Variants in HS6ST3 observed in about 807,000 individuals in gnomAD.
The protein encoded by HS6ST3 is heparan-sulfate 6-O-sulfotransferase 3.
In HS6ST3, 12 loss-of-function variants were observed where a neutral mutation model predicts 36.7. That is an observed-to-expected ratio of 0.33 (90% CI 0.21 to 0.53). HS6ST3 has a LOEUF of 0.53. HS6ST3 is among the 20% of genes least tolerant of loss of function. The pLI is 0.95. For synonymous variants in HS6ST3, 240 were observed against 257.5 expected (o/e 0.93, Z 0.65); for missense variants, 584 against 640.9 (o/e 0.91, Z 0.96).
At chr13:96,528,193 G>C (rs1362714438) in intron 1 of HS6ST3, among the ~76,000 whole-genome samples, 1 of 152,116 alleles carries the variant, frequency 6.6e-6, no homozygotes, top group South Asian at 2.1e-4. Context: ...AAAGCACCAG[G>C]GTGATTGAAT....
chr13:96,340,831 A>T (rs1004523566), intron 1 of HS6ST3, among the ~76,000 whole-genome samples: 3 of 152,240 alleles, frequency 2.0e-5, no homozygotes, highest in Non-Finnish European at 4.4e-5. Flanking sequence ...CCATCCTTAA[A>T]CCAATATTCA....
At chr13:96,787,112 T>C (rs1027941284) in intron 1 of HS6ST3, among the ~76,000 whole-genome samples, 2 of 152,234 alleles carry the variant, frequency 1.3e-5, no homozygotes, top group African/African-American at 4.8e-5. Flanking sequence ...ACAGTTTGTT[T>C]ATCTATTCAC....
At chr13:96,521,544 A>G (rs1230287805) in intron 1 of HS6ST3, among the ~76,000 whole-genome samples, 1 of 152,140 alleles carries the variant, frequency 6.6e-6, no homozygotes, top group Non-Finnish European at 1.5e-5. Context: ...TTATTGGTCT[A>G]TTCAGAGATT....
intron 1 of HS6ST3, among the ~76,000 whole-genome samples, chr13:96,816,260 T>C (rs1390323638): frequency 6.6e-6 from 1 of 152,174 alleles, no homozygotes; most frequent in Non-Finnish European, 1.5e-5. Context: ...CCTTTGGAAA[T>C]TCTAAAGAGA....
At chr13:96,165,861 T>C (rs770457763) in intron 1 of HS6ST3, among the ~76,000 whole-genome samples, 5 of 152,094 alleles carry the variant, frequency 3.3e-5, no homozygotes, top group African/African-American at 4.8e-5. Flanking sequence ...AACTAAGTTA[T>C]GGCAGGGTAC....
chr13:96,541,602 T>C (rs573155874), intron 1 of HS6ST3, among the ~76,000 whole-genome samples: 1 of 152,268 alleles, frequency 6.6e-6, no homozygotes, highest in East Asian at 1.9e-4. Context: ...CTGGGAGCTA[T>C]GATTACAGGT....
At chr13:96,139,475 G>A (rs1316507075) in intron 1 of HS6ST3, among the ~76,000 whole-genome samples, 2 of 134,642 alleles carry the variant, frequency 1.5e-5, no homozygotes, top group African/African-American at 2.8e-5. Flanking sequence ...ATGAATTAAG[G>A]ATGAGCTGAT....
intron 1 of HS6ST3, among the ~76,000 whole-genome samples, chr13:96,499,816 A>C (rs1486036564): frequency 6.6e-6 from 1 of 152,140 alleles, no homozygotes; most frequent in Non-Finnish European, 1.5e-5. Context: ...GGTGCATTGC[A>C]TCATACTGGG....
At chr13:96,151,521 G>A in intron 1 of HS6ST3, among the ~76,000 whole-genome samples, 1 of 152,118 alleles carries the variant, frequency 6.6e-6, no homozygotes, top group East Asian at 1.9e-4. Flanking sequence ...GTCAACAGTG[G>A]TTATCTTTTG....
Position 96,417,474 on chromosome 13 carries a change from A to C in HS6ST3, c.707+325905A>C, listed in dbSNP as rs150711280. ...TGTAGCACCCCAAAGGGGTTTGCTA[A>C]TTAATCTTTTACTTCTTTACTAGAC... On this transcript the variant is annotated intron_variant, in intron 1 of 1. Transcript: ENST00000376705. Among the ~76,000 whole-genome samples the C allele has an allele frequency of 2.6e-4, 39 of 152,124 alleles. No individual in the cohort carries two copies. In the East Asian group the frequency reaches 4.9e-3, roughly 19 times the overall value.
chr13:96,378,812 C>T lies in HS6ST3; in HGVS notation c.707+287243C>T, dbSNP rs114119756. Reference sequence around the variant, plus strand: ...CTCTACCTATAAAGCGGTGACTTTTCTAATTTTTACAAAAATACTGTATGG... The same window carrying T: ...CTCTACCTATAAAGCGGTGACTTTTTTAATTTTTACAAAAATACTGTATGG... On this transcript the variant is annotated intron_variant, in intron 1 of 1. Coordinates refer to ENST00000376705, the MANE Select transcript of HS6ST3 (RefSeq NM_153456.4). Among the ~76,000 whole-genome samples the T allele has an allele frequency of 8.0e-3, 1,211 of 152,248 alleles. 15 individuals are homozygous for T. The highest frequency in any genetic ancestry group is 0.028 in the African/African-American group (1,161 of 41,550).
Position 96,734,161 on chromosome 13 carries a change from A to G in HS6ST3, c.708-98329A>G, listed in dbSNP as rs116292367. 4.0e-3 allele frequency among the ~76,000 whole-genome samples: 616 copies of G among 152,338 alleles called. 3 individuals are homozygous for G. Among genetic ancestry groups the G allele is most frequent in the African/African-American group, 0.014 (571 of 41,584 alleles). The stretch of plus-strand genomic sequence containing the variant: ...CCCAAGCTCCATGAGGACACGAACC[A>G]GATCTGTCATTTCAGTGCATGCTGG... On this transcript the variant is annotated intron_variant, in intron 1 of 1. Coordinates refer to ENST00000376705, the MANE Select transcript of HS6ST3 (RefSeq NM_153456.4).
chr13:96,131,254 C>A (rs1217760769), intron 1 of HS6ST3, among the ~76,000 whole-genome samples: 1 of 152,302 alleles, frequency 6.6e-6, no homozygotes, highest in Non-Finnish European at 1.5e-5. Flanking sequence ...TTTTACTTTA[C>A]TAAAGAAACT....
At chr13:96,377,064 TTA>T (rs1049620592) in intron 1 of HS6ST3, among the ~76,000 whole-genome samples, 1 of 147,612 alleles carries the variant, frequency 6.8e-6, no homozygotes, top group Non-Finnish European at 1.5e-5. Context: ...AATATATATT[TTA>T]TATATATATA....
intron 1 of HS6ST3, among the ~76,000 whole-genome samples, chr13:96,597,914 G>A (rs916163577): frequency 2.6e-5 from 4 of 152,006 alleles, no homozygotes; most frequent in African/African-American, 4.8e-5. Context: ...TCCCAACACC[G>A]TTCACTGAAT....
At chr13:96,517,932 A>G (rs1395169821) in intron 1 of HS6ST3, among the ~76,000 whole-genome samples, 1 of 152,206 alleles carries the variant, frequency 6.6e-6, no homozygotes, top group East Asian at 1.9e-4. Flanking sequence ...ACCGCTATTT[A>G]CTATAGCAAT....
At chr13:96,472,657 T>G (rs990037186) in intron 1 of HS6ST3, among the ~76,000 whole-genome samples, 1 of 152,170 alleles carries the variant, frequency 6.6e-6, no homozygotes, top group African/African-American at 2.4e-5. Context: ...CCTCAAAGGC[T>G]ATAGCAATAC....
At position 96,153,812 on chromosome 13, in the gene HS6ST3, A is replaced by G. The variant is rs563912358; in HGVS notation, c.707+62243A>G. On this transcript the variant is annotated intron_variant, in intron 1 of 1. Coordinates refer to ENST00000376705, the MANE Select transcript of HS6ST3 (RefSeq NM_153456.4). Reference sequence around the variant, plus strand: ...GGTATCAGTTGAGGAATTTCCAACCAGAATATTTATGCTAAATGCACTTGC... The same window carrying G: ...GGTATCAGTTGAGGAATTTCCAACCGGAATATTTATGCTAAATGCACTTGC... 5.2e-5 allele frequency among the ~76,000 whole-genome samples: 8 copies of G among 152,382 alleles called. No homozygotes were observed. The South Asian group carries it at 1.4e-3, about 28-fold the overall frequency.
intron 1 of HS6ST3, among the ~76,000 whole-genome samples, chr13:96,457,949 G>T (rs186784945): frequency 6.6e-6 from 1 of 151,592 alleles, no homozygotes; most frequent in Admixed American, 6.6e-5. Flanking sequence ...TATACTACTG[G>T]GTTCGGTAGC....
Sources: allele counts gnomAD v4.1 joint callset (sites outside exome capture counted in the v4.1 genomes callset), GRCh38; gene constraint gnomAD v4.1.1; transcripts MANE v1.5; gene names NCBI Gene and HGNC (gene_info 2026-07-23, HGNC 2026-07-21).